Variants in SEMA3A observed in about 807,000 individuals in gnomAD.
SEMA3A encodes semaphorin-3A.
A neutral mutation model predicts 97.9 loss-of-function variants in SEMA3A; 29 were observed. That is an observed-to-expected ratio of 0.30 (90% CI 0.22 to 0.40). The LOEUF (loss-of-function observed/expected upper bound fraction) is 0.40, where lower values mean the gene tolerates loss of function less well. Ranked by LOEUF, SEMA3A falls within the 10% of genes least tolerant of loss-of-function variation. The pLI is 1.00. For missense variants in SEMA3A, 763 were observed against 951.3 expected (o/e 0.80, Z 2.60); for synonymous variants, 321 against 323.7 (o/e 0.99, Z 0.09).
At chr7:84,075,979 A>G (rs939745436) in intron 4 of SEMA3A, among the ~76,000 whole-genome samples, 23 of 152,206 alleles carry the variant, frequency 1.5e-4, no homozygotes, top group African/African-American at 5.3e-4. Flanking sequence ...TTCTAAAACA[A>G]GTTTTAAAAA....
At position 84,074,537 on chromosome 7, in the gene SEMA3A, C is replaced by T. The variant is rs185562036; in HGVS notation, c.454-13979G>A. 1.0e-3 allele frequency among the ~76,000 whole-genome samples: 154 copies of T among 152,192 alleles called. 1 individual carries two copies. Among genetic ancestry groups the T allele is most frequent in the African/African-American group, 3.6e-3 (149 of 41,550 alleles). On this transcript the variant is annotated intron_variant, in intron 4 of 16. Transcript: ENST00000265362. ...CATATTCCATTAGAATTTCACCTTT[C>T]CCTTCAATAAAGCAAACAATAAATT...
chr7:84,197,762 C>G (rs1267037609), upstream of SEMA3A, among the ~76,000 whole-genome samples: 1 of 104,422 alleles, frequency 9.6e-6, no homozygotes, highest in Non-Finnish European at 1.8e-5. Context: ...TTTTTTGAGA[C>G]GGAGTCTCGC....
chr7:83,977,950 G>C (rs1373314276), intron 14 of SEMA3A, among the ~76,000 whole-genome samples: 1 of 151,564 alleles, frequency 6.6e-6, no homozygotes, highest in East Asian at 2.0e-4. Flanking sequence ...ACTACAGGCA[G>C]CCGCCACCAT....
intron 3 of SEMA3A, among the ~76,000 whole-genome samples, chr7:84,269,794 G>C (rs1335792428): frequency 6.6e-6 from 1 of 152,050 alleles, no homozygotes; most frequent in Non-Finnish European, 1.5e-5. Context: ...ATGCGACATA[G>C]ATTACTTTTA....
chr7:84,209,262 A>G (rs1156948359), intron 3 of SEMA3A, among the ~76,000 whole-genome samples: 2 of 152,190 alleles, frequency 1.3e-5, no homozygotes, highest in Non-Finnish European at 2.9e-5. Context: ...AGGAATGACA[A>G]CAAAACGATT....
intron 4 of SEMA3A, among the ~76,000 whole-genome samples, chr7:84,062,681 C>A (rs2115697986): frequency 6.6e-6 from 1 of 152,316 alleles, no homozygotes; most frequent in East Asian, 1.9e-4. Context: ...AAAATCCGGT[C>A]ACTCCCACCC....
At chr7:83,991,059 G>A (rs1280431402) in intron 12 of SEMA3A, among the ~76,000 whole-genome samples, 2 of 149,416 alleles carry the variant, frequency 1.3e-5, no homozygotes, top group East Asian at 2.1e-4. Context: ...GTATTCCTAG[G>A]TATTTTATTC....
In SEMA3A at chr7:84,174,061, C is replaced by CT. The variant is rs546214536; in HGVS notation, c.112+20413dup. On this transcript the variant is annotated intron_variant, in intron 1 of 16. Coordinates refer to ENST00000265362, the MANE Select transcript of SEMA3A (RefSeq NM_006080.3). ...CACAGAGACCATAAAAAATCAATTG[C>CT]TTGCAGGCTCATATTGAAACCCTAT... Among the ~76,000 whole-genome samples, 13 of 152,140 alleles carry CT rather than the reference C, an allele frequency of 8.5e-5. No individual in the cohort carries two copies. The South Asian group carries it at 2.7e-3, about 32-fold the overall frequency.
intron 1 of SEMA3A, among the ~76,000 whole-genome samples, chr7:84,167,776 T>C (rs984507199): frequency 6.6e-6 from 1 of 152,132 alleles, no homozygotes; most frequent in African/African-American, 2.4e-5. Flanking sequence ...TCCAAGAGAA[T>C]AGGATAAAAG....
chr7:84,425,105 AATAT>A (rs1198869373), intron 1 of SEMA3A, among the ~76,000 whole-genome samples: 1 of 108,256 alleles, frequency 9.2e-6, no homozygotes, highest in African/African-American at 3.8e-5. Context: ...TATAAATATA[AATAT>A]ATATTTATAT....
At chr7:84,159,004 G>A (rs1235302183) in intron 1 of SEMA3A, among the ~76,000 whole-genome samples, 3 of 151,582 alleles carry the variant, frequency 2.0e-5, no homozygotes, top group Non-Finnish European at 2.9e-5. Context: ...TGGCATCTAC[G>A]AAAGTAGTAG....
At chr7:84,425,180 C>T (rs1420165579) in intron 1 of SEMA3A, among the ~76,000 whole-genome samples, 13 of 104,418 alleles carry the variant, frequency 1.2e-4, no homozygotes, top group East Asian at 2.6e-4. Context: ...ATATATTATA[C>T]GCATATATTT....
intron 2 of SEMA3A, among the ~76,000 whole-genome samples, chr7:84,313,887 T>G (rs1484337780): frequency 4.6e-5 from 7 of 152,056 alleles, no homozygotes; most frequent in Non-Finnish European, 8.8e-5. Flanking sequence ...CTTAATCATT[T>G]TAACAATAGG....
intron 1 of SEMA3A, among the ~76,000 whole-genome samples, chr7:84,421,019 T>C (rs1442049989): frequency 6.6e-6 from 1 of 151,914 alleles, no homozygotes; most frequent in Admixed American, 6.6e-5. Flanking sequence ...AGTTATTTCT[T>C]TTCTGCTAGA....
At chr7:84,163,358 G>A (rs767539936) in intron 1 of SEMA3A, among the ~76,000 whole-genome samples, 3 of 152,040 alleles carry the variant, frequency 2.0e-5, no homozygotes, top group Admixed American at 6.6e-5. Flanking sequence ...CATAGTGAGC[G>A]AAGGTAGATG....
chr7:84,366,260 T>G (rs772577013), intron 2 of SEMA3A, among the ~76,000 whole-genome samples: 14 of 151,364 alleles, frequency 9.2e-5, no homozygotes, highest in Non-Finnish European at 1.9e-4. Flanking sequence ...ATATATTTAC[T>G]GTGAACCTAG....
chr7:83,967,720 A>C (rs1788758371), intron 15 of SEMA3A, among the ~76,000 whole-genome samples: 1 of 152,104 alleles, frequency 6.6e-6, no homozygotes, highest in Non-Finnish European at 1.5e-5. Context: ...GACCCATTGC[A>C]CTCTAGCCTG....
intron 1 of SEMA3A, among the ~76,000 whole-genome samples, chr7:84,441,607 A>G (rs572412948): frequency 1.6e-4 from 25 of 152,260 alleles, no homozygotes; most frequent in Admixed American, 8.5e-4. Flanking sequence ...AGAAAGCATC[A>G]TAGAAAATGT....
chr7:84,467,518 C>G (rs904050839), intron 1 of SEMA3A, among the ~76,000 whole-genome samples: 1 of 116,256 alleles, frequency 8.6e-6, no homozygotes, highest in African/African-American at 3.6e-5. Flanking sequence ...CAGAGCGAGA[C>G]TCCTTCTAAA....
Sources: allele counts gnomAD v4.1 joint callset (sites outside exome capture counted in the v4.1 genomes callset), GRCh38; gene constraint gnomAD v4.1.1; transcripts MANE v1.5; gene names NCBI Gene and HGNC (gene_info 2026-07-23, HGNC 2026-07-21).